Variants in COPS2 observed in about 807,000 individuals in gnomAD.
The protein encoded by COPS2 is COP9 signalosome subunit 2.
A neutral mutation model predicts 66.1 loss-of-function variants in COPS2; 10 were observed. That is an observed-to-expected ratio of 0.15 (90% CI 0.09 to 0.26). COPS2 has a LOEUF of 0.26. Ranked by LOEUF, COPS2 falls within the 10% of genes least tolerant of loss-of-function variation. The pLI is 1.00. For synonymous variants in COPS2, 179 were observed against 171.3 expected (o/e 1.04, Z -0.35); for missense variants, 215 against 513.3 (o/e 0.42, Z 5.62).
chr15:49,129,715 G>A (rs2084195230), intron 10 of COPS2, among the ~76,000 whole-genome samples, 156 bp from the exon 11 acceptor site: 1 of 152,064 alleles, frequency 6.6e-6, no homozygotes, highest in Non-Finnish European at 1.5e-5. Flanking sequence ...TCAATGGATG[G>A]ACAGTATGAT....
intron 3 of COPS2, among the ~76,000 whole-genome samples, chr15:49,140,517 T>G (rs1041369681): frequency 6.6e-6 from 1 of 152,186 alleles, no homozygotes; most frequent in Admixed American, 6.5e-5. Flanking sequence ...TAAGGTTCTA[T>G]TCAAAAGTAG....
At chr15:49,139,281 A>G (rs938572729) in intron 4 of COPS2, 3 of 357,178 alleles carry the variant, frequency 8.4e-6, no homozygotes, top group African/African-American at 2.1e-5. Context: ...ATAAGCCTGA[A>G]AAGTTGTTTA....
intron 10 of COPS2, among the ~76,000 whole-genome samples, chr15:49,130,007 C>A (rs2084196807): frequency 6.6e-6 from 1 of 152,112 alleles, no homozygotes; most frequent in South Asian, 2.1e-4. Context: ...GGTTGAAATT[C>A]ATGTACAAAG....
Position 49,126,094 on chromosome 15 carries a change from T to G in COPS2, c.*1856A>C, listed in dbSNP as rs1428670176. ...AGGGTCTCCAAATTATATTGAAAAA[T>G]AAATCCTAATTAATATCACTCTTGT... On this transcript the variant is annotated 3_prime_UTR_variant, in exon 13 of 13. Coordinates refer to ENST00000388901, the MANE Select transcript of COPS2 (RefSeq NM_004236.4). 1 of 152,502 alleles carries G rather than the reference T, an allele frequency of 6.6e-6. No individual in the cohort carries two copies. Among genetic ancestry groups the G allele is most frequent in the Non-Finnish European group, 1.5e-5 (1 of 67,938 alleles). The allele number at this position is 152,502 out of a possible 1,614,324, so 9.4% of individuals were successfully genotyped here. A position where few individuals can be genotyped will look rare whatever the true frequency, so the allele number is the denominator to read the frequency against.
intron 9 of COPS2, among the ~76,000 whole-genome samples, chr15:49,131,173 C>T (rs8043493): frequency 0.25 from 38,152 of 151,980 alleles, 5,966 homozygotes; most frequent in Non-Finnish European, 0.35. Flanking sequence ...TGAAATTGTG[C>T]ATTTAATTCC....
intron 9 of COPS2, among the ~76,000 whole-genome samples, chr15:49,132,185 T>C (rs1295325621): frequency 6.6e-6 from 1 of 152,146 alleles, no homozygotes; most frequent in Non-Finnish European, 1.5e-5. Context: ...TGTGACCAAA[T>C]GTGAATGAAA....
chr15:49,139,734 C>T lies in COPS2; in HGVS notation c.247-81G>A, dbSNP rs2084278000. On this transcript the variant is annotated intron_variant, in intron 3 of 12. Coordinates refer to ENST00000388901, the MANE Select transcript of COPS2 (RefSeq NM_004236.4). ...CACATGATTAAGGTTATAGAATACA[C>T]TACTACATAATGAAATGTAGTTCAT... is the stretch of plus-strand genomic sequence containing the variant. The T allele has an allele frequency of 9.9e-6, 10 of 1,007,894 alleles. No individual in the cohort carries two copies. The Middle Eastern group carries it at 1.6e-3, about 166-fold the overall frequency. The allele number at this position is 1,007,894 out of a possible 1,614,324, so 62.4% of individuals were successfully genotyped here.
intron 4 of COPS2, among the ~76,000 whole-genome samples, chr15:49,138,507 T>C (rs2084268994): frequency 6.6e-6 from 1 of 152,206 alleles, no homozygotes; most frequent in Non-Finnish European, 1.5e-5. Context: ...GCATAATATT[T>C]ATAAACAGTA....
rs976359684 is a variant in COPS2, at chr15:49,130,644, T to C, written c.1045+75A>G. On this transcript the variant is annotated intron_variant, in intron 10 of 12. Coordinates refer to ENST00000388901, the MANE Select transcript of COPS2 (RefSeq NM_004236.4). Reference sequence around the variant, plus strand: ...ACAGAAAGAAAACAGCTTAATGCCATGCAGCTTCATTAAGTGGCATTTCTT... The same window carrying C: ...ACAGAAAGAAAACAGCTTAATGCCACGCAGCTTCATTAAGTGGCATTTCTT... 3.6e-6 allele frequency: 3 copies of C among 822,070 alleles called. No individual in the cohort carries two copies. In the African/African-American group the frequency reaches 5.1e-5, roughly 14 times the overall value. The allele number at this position is 822,070 out of a possible 1,614,324, so 50.9% of individuals were successfully genotyped here. A position where few individuals can be genotyped will look rare whatever the true frequency, so the allele number is the denominator to read the frequency against.
rs1211336472 is a variant in COPS2, at chr15:49,127,927, C to T, written c.*23G>A. The T allele has an allele frequency of 1.1e-5, 18 of 1,611,936 alleles. No homozygotes were observed. Among genetic ancestry groups the T allele is most frequent in the East Asian group, 2.2e-5 (1 of 44,862 alleles). On this transcript the variant is annotated 3_prime_UTR_variant, in exon 13 of 13. Coordinates refer to ENST00000388901, the MANE Select transcript of COPS2 (RefSeq NM_004236.4). ...CATCTCTGCACTGTTGCCTTAAGGA[C>T]GTCTGTAAAAGCTTGTTCTCTGTTA...
chr15:49,155,149 G>T (rs962754194), intron 1 of COPS2, among the ~76,000 whole-genome samples: 1 of 152,238 alleles, frequency 6.6e-6, no homozygotes, highest in Non-Finnish European at 1.5e-5. Context: ...GGCCCGGAAC[G>T]CTGGGCCCGA....
intron 2 of COPS2, 65 bp from the exon 3 acceptor site, chr15:49,144,369 A>T: frequency 1.1e-6 from 1 of 877,232 alleles, no homozygotes; most frequent in Non-Finnish European, 1.9e-6. Context: ...ATGATGCCCA[A>T]TGTGTAAGTA....
intron 1 of COPS2, among the ~76,000 whole-genome samples, chr15:49,149,517 G>A (rs1165772432): frequency 6.6e-6 from 1 of 152,104 alleles, no homozygotes; most frequent in Non-Finnish European, 1.5e-5. Context: ...TCAGAAGCAG[G>A]AACTTTCTTA....
rs1218543013 is a variant in COPS2, at chr15:49,124,870, A to T, written c.*3080T>A. The T allele has an allele frequency of 6.6e-6, 1 of 152,060 alleles. No homozygotes were observed. The highest frequency in any genetic ancestry group is 1.5e-5 in the Non-Finnish European group (1 of 68,028). 9.4% of individuals were successfully genotyped at this position (152,060 alleles called of 1,614,324 possible). On this transcript the variant is annotated 3_prime_UTR_variant, in exon 13 of 13. Transcript: ENST00000388901. ...ACAGATCTCTGAGCTTCTTAAAAAG[A>T]GGTAAAGGGAATCCACTAGGCAAAT...
chr15:49,155,295 C>A (rs1007304678), intron 1 of COPS2, among the ~76,000 whole-genome samples: 1 of 152,238 alleles, frequency 6.6e-6, no homozygotes, highest in African/African-American at 2.4e-5. Context: ...ACTCGGAGGG[C>A]AAGGCCCGGG....
intron 6 of COPS2, among the ~76,000 whole-genome samples, chr15:49,135,669 A>G (rs2084245528): frequency 6.6e-6 from 1 of 152,204 alleles, no homozygotes; most frequent in South Asian, 2.1e-4. Flanking sequence ...TAAATATCTC[A>G]CACTGACATA....
At chr15:49,139,690 T>C in intron 3 of COPS2, 37 bp from the exon 4 acceptor site, 2 of 1,511,008 alleles carry the variant, frequency 1.3e-6, no homozygotes, top group Non-Finnish European at 1.8e-6. Context: ...AGATGCAAAT[T>C]TAGGTACTAA....
intron 1 of COPS2, among the ~76,000 whole-genome samples, chr15:49,153,621 A>G (rs954145205): frequency 6.6e-6 from 1 of 152,244 alleles, no homozygotes; most frequent in Non-Finnish European, 1.5e-5. Flanking sequence ...TCATAACAGC[A>G]AAGACAGGGA....
chr15:49,131,968 T>A (rs1411118411), intron 9 of COPS2, among the ~76,000 whole-genome samples: 1 of 152,320 alleles, frequency 6.6e-6, no homozygotes, highest in Middle Eastern at 3.4e-3. Context: ...ATAATAAATT[T>A]ATAAATGTCA....
Sources: gnomAD v4.1 joint callset for allele counts (sites outside exome capture counted in the v4.1 genomes callset) on GRCh38, gnomAD v4.1.1 for gene constraint, MANE v1.5 for transcripts, NCBI Gene and HGNC (gene_info 2026-07-23, HGNC 2026-07-21) for gene names.